Variants in CENPS observed in about 807,000 individuals in gnomAD.
The protein encoded by CENPS is centromere protein S, also known as FANCM associated histone fold protein 1.
A neutral mutation model predicts 17.9 loss-of-function variants in CENPS; 16 were observed. The ratio of observed to expected loss-of-function variants is 0.90; its 90% CI spans 0.61 to 1.36. CENPS has a LOEUF of 1.36. Ranked by LOEUF, CENPS falls within the 40% of genes most tolerant of loss-of-function variation. The pLI, the probability that CENPS is intolerant of heterozygous loss-of-function variation, is 0.00. For missense variants in CENPS, 160 were observed against 158.6 expected, an observed-to-expected ratio of 1.01 and a Z score of -0.05; for synonymous variants, 49 against 55.8, an observed-to-expected ratio of 0.88 and a Z score of 0.54.
At chr1:10,433,237 A>T (rs1443848148) in intron 1 of CENPS, among the ~76,000 whole-genome samples, 2 of 151,996 alleles carry the variant, frequency 1.3e-5, no homozygotes, top group African/African-American at 2.4e-5. Flanking sequence ...GGGTGGAGAG[A>T]TCTTTTTCAG....
At chr1:10,430,849 G>A in intron 1 of CENPS, 1 of 1,327,092 alleles carries the variant, frequency 7.5e-7, no homozygotes, top group African/African-American at 1.6e-5. Context: ...CTGGCCTTGC[G>A]ATGAATCCTC....
chr1:10,430,528 A>C lies in CENPS; in HGVS notation c.11A>C (p.Glu4Ala). The C allele has an allele frequency of 1.3e-6, 2 of 1,537,550 alleles. No homozygotes were observed. The highest frequency in any genetic ancestry group is 8.8e-7 in the Non-Finnish European group (1 of 1,142,208). MEE[E>A]AETEEQQRFS... Reference sequence around the variant, plus strand: ...GGTCGGCCCGCAGTGATGGAGGAGGAGGCGGAGACCGAGGAGCAGCAGCGA... The same window carrying C: ...GGTCGGCCCGCAGTGATGGAGGAGGCGGCGGAGACCGAGGAGCAGCAGCGA... The change falls in exon 1 of 5, where the codon GAG becomes GCG. Residue 4 changes from glutamate to alanine, a missense_variant. Coordinates refer to ENST00000309048, the MANE Select transcript of CENPS (RefSeq NM_199294.3).
chr1:10,434,718 C>T (rs994660103), intron 3 of CENPS, 28 bp downstream of exon 3: 1 of 1,587,346 alleles, frequency 6.3e-7, no homozygotes, highest in Non-Finnish European at 8.5e-7. Flanking sequence ...TTATCCGACA[C>T]TGCGTCTGTG....
At chr1:10,436,551 A>G (rs1640167986) in intron 3 of CENPS, among the ~76,000 whole-genome samples, 1 of 151,258 alleles carries the variant, frequency 6.6e-6, no homozygotes, top group Admixed American at 6.6e-5. Context: ...ATACAAAAAA[A>G]AAAAATTAGC....
At chr1:10,435,615 C>G (rs1640111862) in intron 3 of CENPS, among the ~76,000 whole-genome samples, 1 of 151,184 alleles carries the variant, frequency 6.6e-6, no homozygotes, top group Non-Finnish European at 1.5e-5. Context: ...ATGTGTGGCC[C>G]TCCTCCCCGG....
At chr1:10,430,646 C>G (rs903902014) in intron 1 of CENPS, 78 bp downstream of exon 1, 38 of 1,477,022 alleles carry the variant, frequency 2.6e-5, no homozygotes, top group East Asian at 2.0e-4. Context: ...CCGGCAGCCC[C>G]CGGCGGCTTC....
intron 3 of CENPS, among the ~76,000 whole-genome samples, chr1:10,436,798 C>T (rs1434707502): frequency 7.9e-5 from 12 of 151,880 alleles, no homozygotes; most frequent in Non-Finnish European, 1.5e-4. Flanking sequence ...AGTGATGAGG[C>T]TCCAGGAGTC....
chr1:10,438,909 C>G (rs1467802127), intron 3 of CENPS, among the ~76,000 whole-genome samples: 1 of 152,140 alleles, frequency 6.6e-6, no homozygotes, highest in African/African-American at 2.4e-5. Context: ...ACTAGGCCAC[C>G]CTGTCCATGT....
intron 1 of CENPS, chr1:10,430,776 T>C: frequency 7.2e-7 from 1 of 1,388,722 alleles, no homozygotes; most frequent in Non-Finnish European, 9.3e-7. Context: ...CTGCGCTGGC[T>C]GGGGAGGAAG....
chr1:10,431,591 C>G (rs575592760), intron 1 of CENPS, among the ~76,000 whole-genome samples: 2 of 152,274 alleles, frequency 1.3e-5, no homozygotes, highest in African/African-American at 4.8e-5. Flanking sequence ...CGCGGTGGCT[C>G]ACGCCTGTAA....
At chr1:10,432,768 G>A (rs1186461866) in intron 1 of CENPS, among the ~76,000 whole-genome samples, 1 of 152,140 alleles carries the variant, frequency 6.6e-6, no homozygotes, top group Non-Finnish European at 1.5e-5. Context: ...GGTGTTGTGG[G>A]CCTGTAGTCC....
chr1:10,434,052 G>A (rs956126851), intron 2 of CENPS, 87 bp downstream of exon 2: 79 of 1,579,464 alleles, frequency 5.0e-5, no homozygotes, highest in African/African-American at 4.7e-4. Flanking sequence ...GAGCTGTGGC[G>A]AGTCTGACCA....
chr1:10,433,865 T>G lies in CENPS; in HGVS notation c.75T>G (p.Tyr25Ter). Reference sequence around the variant, plus strand: ...AGAGGCTAAAGGCAGCAGTTCACTATACTGTGGGTTGTCTTTGCGAGGAAG... The same window carrying G: ...AGAGGCTAAAGGCAGCAGTTCACTAGACTGTGGGTTGTCTTTGCGAGGAAG... ...YQQRLKAAVH[Y>*]TVGCLCEEVA... Residue 25 changes from tyrosine (Y) to a stop codon, truncating the protein, a stop_gained, in exon 2 of 5, where the codon TAT (tyrosine) becomes TAG (stop). Coordinates refer to ENST00000309048, the MANE Select transcript of CENPS (RefSeq NM_199294.3). LOFTEE classifies it high-confidence loss of function. 1 of 1,614,226 alleles carries G rather than the reference T, an allele frequency of 6.2e-7. No homozygotes were observed. Among genetic ancestry groups the G allele is most frequent in the Non-Finnish European group, 8.5e-7 (1 of 1,180,036 alleles).
At chr1:10,437,072 G>A (rs1432206528) in intron 3 of CENPS, among the ~76,000 whole-genome samples, 1 of 152,180 alleles carries the variant, frequency 6.6e-6, no homozygotes, top group Non-Finnish European at 1.5e-5. Flanking sequence ...TCAACTATAT[G>A]TTACATAGTC....
intron 3 of CENPS, among the ~76,000 whole-genome samples, chr1:10,435,025 G>A (rs115133155): frequency 0.012 from 1,848 of 152,318 alleles, 36 homozygotes; most frequent in African/African-American, 0.042. Context: ...ATTGCTCAGG[G>A]TTTGAGAACA....
chr1:10,441,712 G>A (rs1020424621), intron 4 of CENPS, among the ~76,000 whole-genome samples: 8 of 132,388 alleles, frequency 6.0e-5, no homozygotes, highest in Non-Finnish European at 9.3e-5. Context: ...TGCAAACTCC[G>A]CCTCCTGGGT....
At chr1:10,436,348 GTA>G (rs1275665330) in intron 3 of CENPS, among the ~76,000 whole-genome samples, 1 of 151,682 alleles carries the variant, frequency 6.6e-6, no homozygotes, top group African/African-American at 2.4e-5. Context: ...GTGTGTGTGT[GTA>G]TGTGTGTGTG....
chr1:10,437,394 TTA>T (rs1640211564), intron 3 of CENPS, among the ~76,000 whole-genome samples: 1 of 120,036 alleles, frequency 8.3e-6, no homozygotes, highest in Non-Finnish European at 1.8e-5. Flanking sequence ...TTCTTATTTC[TTA>T]TTTCTTTTTT....
At chr1:10,436,268 C>T (rs1349179260) in intron 3 of CENPS, among the ~76,000 whole-genome samples, 17 of 151,454 alleles carry the variant, frequency 1.1e-4, no homozygotes, top group Non-Finnish European at 4.4e-5. Context: ...GTTGAGCCAC[C>T]GCGCCCGGCA....
Sources: gnomAD v4.1 joint callset for allele counts (sites outside exome capture counted in the v4.1 genomes callset) on GRCh38, gnomAD v4.1.1 for gene constraint, MANE v1.5 for transcripts, NCBI Gene and HGNC (gene_info 2026-07-23, HGNC 2026-07-21) for gene names.